Variants in DNAJC6 observed in about 807,000 individuals in gnomAD.
DNAJC6 encodes the protein DnaJ heat shock protein family (Hsp40) member C6.
In DNAJC6, 34 loss-of-function variants were observed where a neutral mutation model predicts 110.0. The ratio of observed to expected loss-of-function variants is 0.31; its 90% CI spans 0.24 to 0.41. The LOEUF (loss-of-function observed/expected upper bound fraction) is 0.41. Among genes scored for constraint, DNAJC6 ranks in the 10% least tolerant of loss-of-function variants. The pLI is 1.00. For synonymous variants in DNAJC6, 406 were observed against 437.2 expected, an observed-to-expected ratio of 0.93 and a Z score of 0.89; for missense variants, 1,031 against 1,207.8, an observed-to-expected ratio of 0.85 and a Z score of 2.17.
intron 1 of DNAJC6, among the ~76,000 whole-genome samples, chr1:65,284,969 T>C (rs942973255): frequency 1.3e-5 from 2 of 152,206 alleles, no homozygotes; most frequent in East Asian, 3.9e-4. Context: ...ATTACAGGCA[T>C]GAGCCACTGC....
In DNAJC6 at chr1:65,392,705, G is replaced by A. The variant is rs1247788283; in HGVS notation, c.1743G>A (p.Leu581=). ...CTCCTCCCACCAATTCTGAACTACT[G>A]AGTGACCTGTTTGGGGGTGGAGGTG... ...PAAPPTNSEL[L]SDLFGGGGAA... is the part of the protein sequence containing the mutation. The change falls in exon 12 of 19, where the codon CTG becomes CTA. Residue 581 remains leucine (L), a synonymous_variant. Coordinates refer to ENST00000371069, the MANE Select transcript of DNAJC6 (RefSeq NM_001256864.2). The A allele has an allele frequency of 6.2e-7, 1 of 1,613,028 alleles. No individual in the cohort carries two copies. The highest frequency in any genetic ancestry group is 8.5e-7 in the Non-Finnish European group (1 of 1,179,566).
intron 1 of DNAJC6, among the ~76,000 whole-genome samples, chr1:65,342,227 G>T (rs1326340492): frequency 6.6e-6 from 1 of 152,120 alleles, no homozygotes; most frequent in African/African-American, 2.4e-5. Context: ...AAATTTTTGT[G>T]TTGGGTCCTG....
intron 1 of DNAJC6, among the ~76,000 whole-genome samples, chr1:65,274,768 C>A (rs1294658765): frequency 4.6e-5 from 7 of 152,284 alleles, no homozygotes; most frequent in Non-Finnish European, 8.8e-5. Flanking sequence ...AGTGCTATAG[C>A]TACCATGTTA....
At chr1:65,274,860 A>G (rs1471813509) in intron 1 of DNAJC6, among the ~76,000 whole-genome samples, 2 of 152,112 alleles carry the variant, frequency 1.3e-5, no homozygotes, top group Non-Finnish European at 2.9e-5. Flanking sequence ...TAACTTTCCA[A>G]CATATTCTTT....
At chr1:65,275,866 T>C (rs1653650602) in intron 1 of DNAJC6, among the ~76,000 whole-genome samples, 2 of 151,898 alleles carry the variant, frequency 1.3e-5, no homozygotes, top group Non-Finnish European at 2.9e-5. Flanking sequence ...AATTTTGTTT[T>C]GTATTTTTCA....
intron 8 of DNAJC6, 146 bp downstream of exon 8, chr1:65,387,075 CCTT>C: frequency 1.4e-6 from 1 of 700,310 alleles, no homozygotes; most frequent in Non-Finnish European, 2.5e-6. Flanking sequence ...TAGCTCACCT[CCTT>C]CATCTTACAG....
chr1:65,357,999 C>T (rs1161249381), intron 1 of DNAJC6, among the ~76,000 whole-genome samples: 2 of 151,696 alleles, frequency 1.3e-5, no homozygotes, highest in Non-Finnish European at 2.9e-5. Flanking sequence ...ACCAACATGG[C>T]GAAACCCCAT....
intron 1 of DNAJC6, among the ~76,000 whole-genome samples, chr1:65,284,026 C>T: frequency 6.6e-6 from 1 of 152,126 alleles, no homozygotes; most frequent in East Asian, 1.9e-4. Context: ...CTTCTCTCCC[C>T]AGCCTGGGTC....
chr1:65,317,663 T>C (rs1334609562), intron 1 of DNAJC6, among the ~76,000 whole-genome samples: 1 of 152,218 alleles, frequency 6.6e-6, no homozygotes, highest in East Asian at 1.9e-4. Context: ...TGTGGTGTAG[T>C]ACTCTACCTG....
chr1:65,265,554 AAG>A (rs372248618), intron 1 of DNAJC6, among the ~76,000 whole-genome samples: 32 of 152,276 alleles, frequency 2.1e-4, no homozygotes, highest in African/African-American at 7.7e-4. Flanking sequence ...GGGATGGGGG[AAG>A]AGAGAAACGA....
intron 1 of DNAJC6, among the ~76,000 whole-genome samples, chr1:65,266,520 C>T (rs759879041): frequency 3.0e-4 from 46 of 152,260 alleles, no homozygotes; most frequent in Non-Finnish European, 6.5e-4. Context: ...AAGAAAACAG[C>T]TATGCATGTG....
intron 1 of DNAJC6, among the ~76,000 whole-genome samples, chr1:65,328,992 A>G (rs1342218857): frequency 6.6e-6 from 1 of 152,096 alleles, no homozygotes; most frequent in Non-Finnish European, 1.5e-5. Context: ...TATGTTCTGT[A>G]TTTTCCTCTT....
upstream of DNAJC6, among the ~76,000 whole-genome samples, chr1:65,307,282 A>G (rs1189335816): frequency 1.3e-5 from 2 of 151,812 alleles, no homozygotes; most frequent in East Asian, 1.9e-4. Flanking sequence ...TATATCTTCA[A>G]TTTTATAGGA....
chr1:65,368,604 T>TCTC (rs985310915), intron 4 of DNAJC6, among the ~76,000 whole-genome samples: 4 of 132,914 alleles, frequency 3.0e-5, no homozygotes, highest in Non-Finnish European at 6.1e-5. Context: ...TTCTTCTTCT[T>TCTC]CTCCTCCTTC....
At chr1:65,389,478 C>T (rs760541769) in intron 10 of DNAJC6, 29 bp downstream of exon 10, 7 of 1,613,458 alleles carry the variant, frequency 4.3e-6, no homozygotes, top group Non-Finnish European at 5.9e-6. Context: ...TTTTGTTTTT[C>T]AGGATGAAGC....
At chr1:65,357,782 G>T (rs903823369) in intron 1 of DNAJC6, among the ~76,000 whole-genome samples, 6 of 152,204 alleles carry the variant, frequency 3.9e-5, no homozygotes, top group African/African-American at 1.4e-4. Context: ...GATGAATCAC[G>T]CAAGAGGAAG....
intron 4 of DNAJC6, among the ~76,000 whole-genome samples, chr1:65,368,241 A>G (rs919728719): frequency 2.6e-5 from 4 of 152,162 alleles, no homozygotes; most frequent in African/African-American, 4.8e-5. Flanking sequence ...AAAGGCTTAT[A>G]TAGGTCAGAG....
At chr1:65,302,114 A>ATTATATAT (rs150565808) in intron 1 of DNAJC6, among the ~76,000 whole-genome samples, 1 of 48,010 alleles carries the variant, frequency 2.1e-5, no homozygotes. Context: ...TATAATATAT[A>ATTATATAT]TATATATATA....
chr1:65,375,082 G>C (rs1417981868), intron 4 of DNAJC6, among the ~76,000 whole-genome samples: 1 of 151,438 alleles, frequency 6.6e-6, no homozygotes, highest in Admixed American at 6.6e-5. Context: ...TCCTGCCTCA[G>C]CCTCCCAAGT....
Sources: gnomAD v4.1 joint callset for allele counts (sites outside exome capture counted in the v4.1 genomes callset) on GRCh38, gnomAD v4.1.1 for gene constraint, MANE v1.5 for transcripts, NCBI Gene and HGNC (gene_info 2026-07-23, HGNC 2026-07-21) for gene names.